Variants in SPTAN1 observed in about 807,000 individuals in gnomAD.
The protein encoded by SPTAN1 is spectrin alpha, non-erythrocytic 1.
SPTAN1 carries 61 observed loss-of-function variants against 331.3 expected under a neutral mutation model. That is an observed-to-expected ratio of 0.18 (90% CI 0.15 to 0.23). The LOEUF (loss-of-function observed/expected upper bound fraction) is 0.23, where lower values mean the gene tolerates loss of function less well. Among genes scored for constraint, SPTAN1 ranks in the 10% least tolerant of loss-of-function variants. The pLI is 1.00. For missense variants in SPTAN1, 2,043 were observed against 3,147.9 expected (o/e 0.65, Z 8.40); for synonymous variants, 1,153 against 1,173.9 (o/e 0.98, Z 0.36).
chr9:128,618,862 T>C lies in SPTAN1; in HGVS notation c.5601-9T>C. 6.2e-7 allele frequency: 1 copy of C among 1,614,140 alleles called. No individual in the cohort carries two copies. Among genetic ancestry groups the C allele is most frequent in the Non-Finnish European group, 8.5e-7 (1 of 1,180,028 alleles). On this transcript the variant is annotated splice_polypyrimidine_tract_variant and intron_variant, in intron 43 of 56. Coordinates refer to ENST00000372739, the MANE Select transcript of SPTAN1 (RefSeq NM_001130438.3). ...TATGGCTGATTTTCTTCCTGTCTCCTGTAATTAGGGGTCAGCGGCTGGAAG... is the reference window on the plus strand; with the variant it reads ...TATGGCTGATTTTCTTCCTGTCTCCCGTAATTAGGGGTCAGCGGCTGGAAG...
intron 52 of SPTAN1, among the ~76,000 whole-genome samples, chr9:128,631,153 T>C (rs1417566245): frequency 6.6e-6 from 1 of 151,978 alleles, no homozygotes; most frequent in East Asian, 1.9e-4. Context: ...CCGAGGGCTC[T>C]TCACTTTAAA....
chr9:128,626,885 G>C (rs1858837888), intron 49 of SPTAN1, 198 bp downstream of exon 49: 1 of 671,518 alleles, frequency 1.5e-6, no homozygotes, highest in South Asian at 1.7e-5. Flanking sequence ...TGCTACCATG[G>C]CTCCCTGTAG....
At position 128,568,834 on chromosome 9, in the gene SPTAN1, T is replaced by C. The variant is rs1850332383; in HGVS notation, c.300T>C (p.Val100=). 3 of 1,614,050 alleles carry C rather than the reference T, an allele frequency of 1.9e-6. No individual in the cohort carries two copies. Among genetic ancestry groups the C allele is most frequent in the African/African-American group, 1.3e-5 (1 of 74,928 alleles). ...TGCAGGCCAACTCAGGAGCCATTGT[T>C]AAGCTGGATGAAACTGGAAACCTGA... ...AEVQANSGAI[V]KLDETGNLMI... is the part of the protein sequence containing the mutation. The change falls in exon 3 of 57, where the codon GTT becomes GTC. Residue 100 remains valine, a synonymous_variant. Coordinates refer to ENST00000372739, the MANE Select transcript of SPTAN1 (RefSeq NM_001130438.3).
chr9:128,589,756 T>C (rs1230866690), intron 21 of SPTAN1, among the ~76,000 whole-genome samples: 1 of 151,404 alleles, frequency 6.6e-6, no homozygotes. Context: ...TTTGTATTTT[T>C]AGTAGAGACG....
intron 1 of SPTAN1, among the ~76,000 whole-genome samples, chr9:128,559,735 A>AT (rs796349434): frequency 0.017 from 2,464 of 145,762 alleles, 48 homozygotes; most frequent in East Asian, 0.088. Context: ...AATAATTTTG[A>AT]TTTTTTTTTT....
chr9:128,629,000 AC>A (rs1859234425), intron 51 of SPTAN1: 1 of 394,234 alleles, frequency 2.5e-6, no homozygotes, highest in African/African-American at 2.1e-5. Context: ...GCCTCCAGGT[AC>A]CCGCCGGGCA....
chr9:128,564,720 T>C (rs919891013), intron 1 of SPTAN1, among the ~76,000 whole-genome samples: 7 of 152,060 alleles, frequency 4.6e-5, no homozygotes, highest in Non-Finnish European at 8.8e-5. Flanking sequence ...GAAGGAACAT[T>C]GGGTACAGTT....
In SPTAN1 at chr9:128,613,482, T is replaced by C. The variant is rs1392565711; in HGVS notation, c.5145T>C (p.His1715=). ...TGCTGGAAGCAGATATATCTGCCCA[T>C]GAGGTAAGCAAAGGGAGGCGGGCCA... The part of the protein sequence containing the change: ...HQLLEADISA[H]EDRLKDLNSQ... The change falls in exon 40 of 57, where the codon CAT becomes CAC. Residue 1715 remains histidine, a synonymous_variant. Coordinates refer to ENST00000372739, the MANE Select transcript of SPTAN1 (RefSeq NM_001130438.3). 2 of 1,613,698 alleles carry C rather than the reference T, an allele frequency of 1.2e-6. No homozygotes were observed. Among genetic ancestry groups the C allele is most frequent in the African/African-American group, 2.7e-5 (2 of 75,034 alleles).
At chr9:128,603,914 G>A (rs1475720455) in intron 28 of SPTAN1, among the ~76,000 whole-genome samples, 4 of 152,250 alleles carry the variant, frequency 2.6e-5, no homozygotes, top group African/African-American at 9.6e-5. Flanking sequence ...AGGTCCTGTG[G>A]CGTGTCGGCT....
chr9:128,584,253 A>C, intron 16 of SPTAN1, 29 bp from the exon 17 acceptor site: 1 of 1,614,104 alleles, frequency 6.2e-7, no homozygotes, highest in Non-Finnish European at 8.5e-7. Flanking sequence ...ACCCAAAGTA[A>C]AGTCTGCTCT....
At chr9:128,631,738 A>T (rs1175893039) in intron 52 of SPTAN1, 1 of 232,512 alleles carries the variant, frequency 4.3e-6, no homozygotes, top group East Asian at 1.2e-4. Flanking sequence ...GAGGCAGGAG[A>T]ATCACTTGAA....
chr9:128,591,471 C>T lies in SPTAN1; in HGVS notation c.3007-6C>T, dbSNP rs1318625387. The T allele has an allele frequency of 6.2e-7, 1 of 1,613,722 alleles. No individual in the cohort carries two copies. Among genetic ancestry groups the T allele is most frequent in the East Asian group, 2.2e-5 (1 of 44,874 alleles). On this transcript the variant is annotated splice_region_variant and splice_polypyrimidine_tract_variant and intron_variant, in intron 21 of 56. Coordinates refer to ENST00000372739, the MANE Select transcript of SPTAN1 (RefSeq NM_001130438.3). ...TTACTTTCAGTTCTCCCTCTTTTTT[C>T]CTTAGGATTGGTGGAAAGTGGAAGT...
chr9:128,603,707 C>T, intron 28 of SPTAN1, 117 bp downstream of exon 28: 1 of 1,259,980 alleles, frequency 7.9e-7, no homozygotes. Context: ...ATATCTCACT[C>T]TATTGGGTCC....
intron 38 of SPTAN1, 25 bp downstream of exon 38, chr9:128,611,870 C>T: frequency 6.2e-7 from 1 of 1,613,926 alleles, no homozygotes; most frequent in Non-Finnish European, 8.5e-7. Context: ...CTCCCGGTGC[C>T]CAGGGAGGAA....
Position 128,633,662 on chromosome 9 carries a change from A to C in SPTAN1, c.*328A>C. On this transcript the variant is annotated 3_prime_UTR_variant, in exon 57 of 57. Transcript: ENST00000372739. ...ACAAATAAATGATGACTTCCCCCAA[A>C]GCTTTGCTTTTCTTCATTTGGCTTG... 1 of 1,474,440 alleles carries C rather than the reference A, an allele frequency of 6.8e-7. No homozygotes were observed. The highest frequency in any genetic ancestry group is 9.2e-7 in the Non-Finnish European group (1 of 1,084,288). The allele number at this position is 1,474,440 out of a possible 1,614,324, so 91.3% of individuals were successfully genotyped here.
chr9:128,574,453 T>C (rs1334989019), intron 3 of SPTAN1, among the ~76,000 whole-genome samples: 1 of 151,996 alleles, frequency 6.6e-6, no homozygotes, highest in Non-Finnish European at 1.5e-5. Context: ...AGAGTAGATC[T>C]ACCTACTTGT....
At chr9:128,630,500 C>A in intron 52 of SPTAN1, 125 bp downstream of exon 52, 1 of 905,052 alleles carries the variant, frequency 1.1e-6, no homozygotes. Context: ...TTTCCCTTGG[C>A]CTAAAGCAGT....
intron 24 of SPTAN1, 108 bp from the exon 25 acceptor site, chr9:128,598,292 G>T (rs1431061680): frequency 3.8e-6 from 3 of 797,916 alleles, no homozygotes; most frequent in East Asian, 2.8e-5. Context: ...TTTTTGGTAG[G>T]CCTCTGTAGA....
intron 21 of SPTAN1, among the ~76,000 whole-genome samples, chr9:128,590,300 A>G (rs560870587): frequency 6.6e-6 from 1 of 152,288 alleles, no homozygotes; most frequent in African/African-American, 2.4e-5. Flanking sequence ...ACTTTCTGTG[A>G]TGGTGGAAAT....
Sources: allele counts gnomAD v4.1 joint callset (sites outside exome capture counted in the v4.1 genomes callset), GRCh38; gene constraint gnomAD v4.1.1; transcripts MANE v1.5; gene names NCBI Gene and HGNC (gene_info 2026-07-23, HGNC 2026-07-21).